SUCLA2: variants seen among roughly 807,000 people sequenced by gnomAD.
SUCLA2 encodes succinate-CoA ligase ADP-forming subunit beta, also known as succinate--CoA ligase [ADP-forming] subunit beta, mitochondrial.
SUCLA2 carries 30 observed loss-of-function variants against 54.8 expected under a neutral mutation model. The observed-to-expected ratio is 0.55, with a 90% confidence interval of 0.41 to 0.74. SUCLA2 has a LOEUF of 0.74. Among genes scored for constraint, SUCLA2 ranks in the 30% least tolerant of loss-of-function variants. The pLI is 0.00. For missense variants in SUCLA2, 476 were observed against 562.9 expected, an observed-to-expected ratio of 0.85 and a Z score of 1.56; for synonymous variants, 172 against 188.9, an observed-to-expected ratio of 0.91 and a Z score of 0.74.
At chr13:47,954,623 C>T in intron 6 of SUCLA2, 66 bp from the exon 7 acceptor site, 1 of 1,517,908 alleles carries the variant, frequency 6.6e-7, no homozygotes, top group South Asian at 1.2e-5. Flanking sequence ...ATCAAATAGT[C>T]AAATGGTCTT....
At position 47,943,434 on chromosome 13, in the gene SUCLA2, G is replaced by A; in HGVS notation, c.1329C>T (p.Leu443=). The A allele has an allele frequency of 6.2e-7, 1 of 1,613,846 alleles. No homozygotes were observed. The highest frequency in any genetic ancestry group is 8.5e-7 in the Non-Finnish European group (1 of 1,179,844). The change falls in exon 11 of 11, where the codon CTC becomes CTT. Residue 443 remains leucine, a synonymous_variant. Coordinates refer to ENST00000646932, the MANE Select transcript of SUCLA2 (RefSeq NM_003850.3). Reference sequence around the variant, plus strand: ...GCTTCGCTAAGGTCACTATTTCAGAGAGCTTTACAACCTAAAAGAAAAGAA... The same window carrying A: ...GCTTCGCTAAGGTCACTATTTCAGAAAGCTTTACAACCTAAAAGAAAAGAA... ...LDEAARMVVK[L]SEIVTLAKQA... is the part of the protein sequence containing the mutation.
intron 2 of SUCLA2, among the ~76,000 whole-genome samples, 185 bp from the exon 3 acceptor site, chr13:47,989,166 T>C (rs1950130413): frequency 6.6e-6 from 1 of 151,846 alleles, no homozygotes; most frequent in Non-Finnish European, 1.5e-5. Flanking sequence ...AATCACTGTC[T>C]AAAAGGCCCA....
At chr13:47,968,810 A>G (rs1566086343) in intron 5 of SUCLA2, 77 bp from the exon 6 acceptor site, 2 of 1,488,708 alleles carry the variant, frequency 1.3e-6, no homozygotes, top group Non-Finnish European at 1.8e-6. Context: ...AAAGCCTTGT[A>G]GTTTATCACT....
intron 4 of SUCLA2, among the ~76,000 whole-genome samples, chr13:47,974,195 TA>T (rs1949990499): frequency 2.0e-5 from 3 of 152,084 alleles, no homozygotes; most frequent in African/African-American, 7.2e-5. Flanking sequence ...AAGTATTGCT[TA>T]AAGCATAAAC....
At position 47,968,586 on chromosome 13, in the gene SUCLA2, A is replaced by C; in HGVS notation, c.802+9T>G. On this transcript the variant is annotated intron_variant, in intron 6 of 10. Transcript: ENST00000646932. ...GCATAATCATGTTAGACAAAAGAAG[A>C]TACTTTACCAGCTCCATCTGAATCT... The C allele has an allele frequency of 6.2e-7, 1 of 1,611,454 alleles. No individual in the cohort carries two copies. The highest frequency in any genetic ancestry group is 2.2e-5 in the East Asian group (1 of 44,786).
intron 1 of SUCLA2, 153 bp downstream of exon 1, chr13:48,001,027 G>A: frequency 6.7e-7 from 1 of 1,481,850 alleles, no homozygotes. Context: ...GTCCTGGCGA[G>A]CAGCACTCCC....
At chr13:47,973,456 A>T in intron 4 of SUCLA2, 64 bp from the exon 5 acceptor site, 1 of 1,567,762 alleles carries the variant, frequency 6.4e-7, no homozygotes, top group Non-Finnish European at 8.7e-7. Flanking sequence ...GAAACTTTAA[A>T]ACCTACCCGT....
In SUCLA2 at chr13:47,968,648, T is replaced by C. The variant is rs1949937794; in HGVS notation, c.749A>G (p.Tyr250Cys). 6.2e-7 allele frequency: 1 copy of C among 1,611,878 alleles called. No homozygotes were observed. The highest frequency in any genetic ancestry group is 8.5e-7 in the Non-Finnish European group (1 of 1,179,786). The change falls in exon 6 of 11, where the codon TAC (tyrosine) becomes TGC (cysteine). Residue 250 changes from tyrosine (Y) to cysteine (C), a missense_variant. Physicochemically the swap from Tyr to Cys is radical, Grantham distance 194. This residue lies in a region of SUCLA2 where 342 missense variants were observed against 444.2 expected (regional missense o/e 0.77). Coordinates refer to ENST00000646932, the MANE Select transcript of SUCLA2 (RefSeq NM_003850.3). ...ATTTATTTCTATCATGGTTGCATCG[T>C]ATTTCAGAAAAAGGCTGTAAAGCTT... is the stretch of plus-strand genomic sequence containing the variant. Reference protein sequence around the residue: ...MVKLYSLFLKYDATMIEINPM... With the variant: ...MVKLYSLFLKCDATMIEINPM...
intron 6 of SUCLA2, among the ~76,000 whole-genome samples, chr13:47,964,251 T>TAAAAAA (rs754090011): frequency 6.8e-6 from 1 of 146,268 alleles, no homozygotes; most frequent in Non-Finnish European, 1.5e-5. Context: ...ATTCTCAAAA[T>TAAAAAA]AAAAAAAAAA....
intron 10 of SUCLA2, among the ~76,000 whole-genome samples, chr13:47,946,301 G>A (rs918677990): frequency 2.0e-5 from 3 of 152,128 alleles, no homozygotes; most frequent in Non-Finnish European, 4.4e-5. Context: ...TGTGATTCAG[G>A]CACCCACTAG....
chr13:47,944,374 T>C (rs1274385732), intron 10 of SUCLA2, among the ~76,000 whole-genome samples: 1 of 152,206 alleles, frequency 6.6e-6, no homozygotes, highest in African/African-American at 2.4e-5. Flanking sequence ...TCCCAGTCAA[T>C]AAAAACACTG....
intron 10 of SUCLA2, among the ~76,000 whole-genome samples, chr13:47,948,642 C>T (rs1382369457): frequency 2.6e-5 from 4 of 152,102 alleles, no homozygotes; most frequent in African/African-American, 9.7e-5. Flanking sequence ...TCCACTGCCC[C>T]GACCCTCTTC....
In SUCLA2 at chr13:47,993,341, C is replaced by G. The variant is rs189149776; in HGVS notation, c.271+3502G>C. Among the ~76,000 whole-genome samples, 561 of 152,324 alleles carry G rather than the reference C, an allele frequency of 3.7e-3. 1 individual carries two copies. The highest frequency in any genetic ancestry group is 5.1e-3 in the Non-Finnish European group (346 of 68,034). The stretch of plus-strand genomic sequence containing the variant: ...CAGAACTGACCCCAAATAATATCTA[C>G]TACATTTATCTGTGCTAATAACCAT... On this transcript the variant is annotated intron_variant, in intron 2 of 10. Transcript: ENST00000646932.
chr13:47,996,922 C>T lies in SUCLA2; in HGVS notation c.192G>A (p.Leu64=), dbSNP rs777151376. 1 of 1,613,998 alleles carries T rather than the reference C, an allele frequency of 6.2e-7. No individual in the cohort carries two copies. Among genetic ancestry groups the T allele is most frequent in the South Asian group, 1.1e-5 (1 of 91,086 alleles). ...SLHEYMSMEL[L]QEAGVSVPKG... ...TGGGAACGGAGACACCAGCTTCTTG[C>T]AATAATTCCATACTCATGTATTCAT... The change falls in exon 2 of 11, where the codon TTG becomes TTA. Residue 64 remains leucine, a synonymous_variant. Coordinates refer to ENST00000646932, the MANE Select transcript of SUCLA2 (RefSeq NM_003850.3).
chr13:47,949,647 T>A, intron 8 of SUCLA2, 44 bp from the exon 9 acceptor site: 1 of 1,600,922 alleles, frequency 6.2e-7, no homozygotes, highest in Non-Finnish European at 8.6e-7. Flanking sequence ...AAAAGAAATT[T>A]AAGTTCTTTT....
In SUCLA2 at chr13:47,989,111, A is replaced by G. The variant is rs6561425; in HGVS notation, c.272-130T>C. On this transcript the variant is annotated intron_variant, in intron 2 of 10. Transcript: ENST00000646932. ...TAATTTATTCACAATGTCCAAAAAT[A>G]AGGCATTCTCTTTATGTAGATTTTC... 833,185 of 893,158 alleles carry G rather than the reference A, an allele frequency of 0.93. 389,051 individuals carry two copies. The highest frequency in any genetic ancestry group is 1 in the East Asian group (39,495 of 39,544). 55.3% of individuals were successfully genotyped at this position (893,158 alleles called of 1,614,324 possible).
At chr13:47,985,706 A>G (rs986559504) in intron 4 of SUCLA2, among the ~76,000 whole-genome samples, 3 of 152,138 alleles carry the variant, frequency 2.0e-5, no homozygotes, top group Non-Finnish European at 2.9e-5. Context: ...ATACCGATGC[A>G]TGTATCTTTA....
At chr13:47,966,721 A>AT (rs994321490) in intron 6 of SUCLA2, among the ~76,000 whole-genome samples, 5 of 151,178 alleles carry the variant, frequency 3.3e-5, no homozygotes, top group African/African-American at 1.2e-4. Context: ...CTTTAAATAA[A>AT]AAAAAAAAAA....
At chr13:47,955,319 A>G (rs141474966) in intron 6 of SUCLA2, among the ~76,000 whole-genome samples, 63 of 152,264 alleles carry the variant, frequency 4.1e-4, no homozygotes, top group Non-Finnish European at 7.6e-4. Context: ...CTCATGCCTC[A>G]GCCTTCCGAG....
Sources: gnomAD v4.1 joint callset for allele counts (sites outside exome capture counted in the v4.1 genomes callset) on GRCh38, gnomAD v4.1.1 for gene constraint, gnomAD v4.1.1 regional missense constraint, MANE v1.5 for transcripts, NCBI Gene and HGNC (gene_info 2026-07-23, HGNC 2026-07-21) for gene names.